Variants in CACNA1A observed in about 807,000 individuals in gnomAD.
CACNA1A encodes voltage-dependent P/Q-type calcium channel subunit alpha-1A.
A neutral mutation model predicts 262.4 loss-of-function variants in CACNA1A; 57 were observed. That is an observed-to-expected ratio of 0.22 (90% confidence interval 0.18 to 0.27). The LOEUF (loss-of-function observed/expected upper bound fraction) is 0.27, where lower values mean the gene tolerates loss of function less well. Ranked by LOEUF, CACNA1A falls within the 10% of genes least tolerant of loss-of-function variation. The probability of loss-of-function intolerance (pLI) is 1.00; values close to 1 mark genes in which losing one functional copy is unlikely to be tolerated. For synonymous variants in CACNA1A, 1,431 were observed against 1,419.3 expected (o/e 1.01, Z -0.18); for missense variants, 2,526 against 3,562.8 (o/e 0.71, Z 7.41).
intron 3 of CACNA1A, among the ~76,000 whole-genome samples, chr19:13,378,829 G>A (rs1040278045): frequency 2.0e-5 from 3 of 151,480 alleles, no homozygotes; most frequent in African/African-American, 7.3e-5. Flanking sequence ...CACCACACCC[G>A]GCTATTTTTT....
At chr19:13,265,071 C>T (rs1568475285) in intron 24 of CACNA1A, among the ~76,000 whole-genome samples, 1 of 152,100 alleles carries the variant, frequency 6.6e-6, no homozygotes, top group Non-Finnish European at 1.5e-5. Context: ...GACAGGGTTT[C>T]ACCGTGTTGG....
intron 17 of CACNA1A, among the ~76,000 whole-genome samples, chr19:13,302,302 G>T (rs1482672872): frequency 6.6e-6 from 1 of 152,080 alleles, no homozygotes; most frequent in Non-Finnish European, 1.5e-5. Context: ...CTTGTTTCTT[G>T]TCTGTCTCCC....
intron 3 of CACNA1A, among the ~76,000 whole-genome samples, chr19:13,420,060 G>A (rs886073180): frequency 6.6e-6 from 1 of 151,806 alleles, no homozygotes; most frequent in African/African-American, 2.4e-5. Context: ...CAGCCTGGGC[G>A]ACAGAGCGGG....
At chr19:13,380,749 G>GTTTGTTTATTTATTTA (rs1335528398) in intron 3 of CACNA1A, among the ~76,000 whole-genome samples, 4 of 80,968 alleles carry the variant, frequency 4.9e-5, no homozygotes, top group Non-Finnish European at 1.0e-4. Context: ...TTGTTTGTTT[G>GTTTGTTTATTTATTTA]TTTATTTATT....
intron 34 of CACNA1A, among the ~76,000 whole-genome samples, chr19:13,234,048 T>TCCAAAAA (rs1555737724): frequency 2.0e-5 from 2 of 102,332 alleles, no homozygotes; most frequent in African/African-American, 4.0e-5. Flanking sequence ...AGACTCCATC[T>TCCAAAAA]AAAAAAAAAA....
At chr19:13,501,283 T>C (rs1191939709) in intron 1 of CACNA1A, among the ~76,000 whole-genome samples, 2 of 151,786 alleles carry the variant, frequency 1.3e-5, no homozygotes, top group Non-Finnish European at 2.9e-5. Flanking sequence ...GTTCAAATGA[T>C]TCTCCTGCCA....
In CACNA1A at chr19:13,259,582, G is replaced by T; in HGVS notation, c.4370C>A (p.Thr1457Lys). The part of the protein sequence containing the change: ...WALLTLFTVS[T>K]GEGWPQVLKH... The stretch of plus-strand genomic sequence containing the variant: ...CACTTACTGTGGCCAGCCTTCTCCC[G>T]TGGACACGGTGAAGAGGGTCAGCAG... The change falls in exon 27 of 47, where the codon ACG becomes AAG. Residue 1457 changes from threonine to lysine, a missense_variant. Physicochemically the swap from Thr to Lys is moderately conservative, Grantham distance 78. Transcript: ENST00000360228. 1 of 1,607,724 alleles carries T rather than the reference G, an allele frequency of 6.2e-7. No individual in the cohort carries two copies. The highest frequency in any genetic ancestry group is 8.5e-7 in the Non-Finnish European group (1 of 1,177,046).
intron 3 of CACNA1A, among the ~76,000 whole-genome samples, chr19:13,417,829 G>A (rs2060249341): frequency 6.7e-6 from 1 of 149,482 alleles, no homozygotes; most frequent in Non-Finnish European, 1.5e-5. Context: ...GGTGGAGGTT[G>A]CTGTGAGCTA....
At chr19:13,484,468 G>A (rs901327225) in intron 1 of CACNA1A, among the ~76,000 whole-genome samples, 4 of 152,060 alleles carry the variant, frequency 2.6e-5, no homozygotes, top group African/African-American at 7.2e-5. Flanking sequence ...ATAGAGAGAG[G>A]GGAGAGAGGG....
At chr19:13,410,533 CTTTTTTCTTTTT>C (rs566121538) in intron 3 of CACNA1A, among the ~76,000 whole-genome samples, 7,472 of 134,348 alleles carry the variant, frequency 0.056, 654 homozygotes, top group African/African-American at 0.21. Context: ...TTTCTTTATT[CTTTTTTCTTTTT>C]TTTTTTTTTT....
intron 24 of CACNA1A, among the ~76,000 whole-genome samples, chr19:13,266,018 A>G (rs1053634403): frequency 2.0e-5 from 3 of 151,706 alleles, no homozygotes; most frequent in African/African-American, 7.3e-5. Flanking sequence ...CTAATTTTGT[A>G]TTTTTAGTAG....
intron 1 of CACNA1A, among the ~76,000 whole-genome samples, chr19:13,455,869 C>CA (rs766436872): frequency 0.097 from 7,346 of 75,934 alleles, 444 homozygotes; most frequent in East Asian, 0.37. Context: ...GGCCCTGTCT[C>CA]AAAAAAAAAA....
intron 1 of CACNA1A, among the ~76,000 whole-genome samples, chr19:13,469,460 C>CTTTTTTT (rs1164678494): frequency 1.6e-4 from 10 of 62,232 alleles, no homozygotes; most frequent in African/African-American, 3.3e-4. Context: ...TGAACCACCT[C>CTTTTTTT]TTTTTTTTTT....
At chr19:13,440,793 T>C (rs2060705662) in intron 3 of CACNA1A, among the ~76,000 whole-genome samples, 1 of 152,070 alleles carries the variant, frequency 6.6e-6, no homozygotes, top group Non-Finnish European at 1.5e-5. Context: ...CATAAGGTGG[T>C]AGTATTTTGT....
At chr19:13,291,710 G>C (rs1330350598) in intron 19 of CACNA1A, among the ~76,000 whole-genome samples, 1 of 151,994 alleles carries the variant, frequency 6.6e-6, no homozygotes, top group Non-Finnish European at 1.5e-5. Flanking sequence ...GGGAGGCTGA[G>C]GTGGGAAGAT....
At chr19:13,315,724 A>G (rs1455490632) in intron 11 of CACNA1A, 2 of 152,212 alleles carry the variant, frequency 1.3e-5, no homozygotes, top group African/African-American at 2.4e-5. Flanking sequence ...GGAGGGTTAT[A>G]AGAAGACAAT....
chr19:13,358,218 C>G (rs2059041255), intron 6 of CACNA1A, among the ~76,000 whole-genome samples: 1 of 152,084 alleles, frequency 6.6e-6, no homozygotes, highest in Non-Finnish European at 1.5e-5. Context: ...CTCTTAATGG[C>G]AAACAAATAA....
chr19:13,303,726 A>C, intron 16 of CACNA1A, 41 bp downstream of exon 16: 1 of 1,570,572 alleles, frequency 6.4e-7, no homozygotes, highest in Non-Finnish European at 8.8e-7. Context: ...CCTCTGCCAG[A>C]GGTCCAGGCC....
At chr19:13,332,987 AG>A (rs1241743616) in intron 8 of CACNA1A, 62 bp from the exon 9 acceptor site, 1 of 1,351,608 alleles carries the variant, frequency 7.4e-7, no homozygotes, top group Non-Finnish European at 1.1e-6. Context: ...CCCTTGGACC[AG>A]GAAGAAGGGT....
Sources: gnomAD v4.1 joint callset for allele counts (sites outside exome capture counted in the v4.1 genomes callset) on GRCh38, gnomAD v4.1.1 for gene constraint, MANE v1.5 for transcripts, NCBI Gene and HGNC (gene_info 2026-07-23, HGNC 2026-07-21) for gene names.